Variants in SGCD observed in about 807,000 individuals in gnomAD.
SGCD encodes sarcoglycan delta, also known as delta-sarcoglycan.
In SGCD, 18 loss-of-function variants were observed where a neutral mutation model predicts 36.6. That is an observed-to-expected ratio of 0.49 (90% CI 0.34 to 0.73). SGCD has a LOEUF of 0.73. Among genes scored for constraint, SGCD ranks in the 30% least tolerant of loss-of-function variants. The pLI, the probability that SGCD is intolerant of heterozygous loss-of-function variation, is 0.01. For synonymous variants in SGCD, 133 were observed against 130.6 expected (o/e 1.02, Z -0.12); for missense variants, 387 against 346.7 (o/e 1.12, Z -0.92).
At chr5:156,560,010 G>C (rs959159417) in intron 4 of SGCD, among the ~76,000 whole-genome samples, 13 of 152,162 alleles carry the variant, frequency 8.5e-5, no homozygotes, top group African/African-American at 3.1e-4. Flanking sequence ...TCCATAAAAA[G>C]CTACCAATGG....
intron 6 of SGCD, among the ~76,000 whole-genome samples, chr5:156,598,982 C>T (rs1345332413): frequency 6.6e-6 from 1 of 152,110 alleles, no homozygotes; most frequent in Non-Finnish European, 1.5e-5. Context: ...GGAACATTTG[C>T]TTTTTTATGT....
intron 4 of SGCD, among the ~76,000 whole-genome samples, chr5:156,571,330 AGCCACTGT>A (rs1303788242): frequency 6.6e-6 from 1 of 152,172 alleles, no homozygotes; most frequent in Non-Finnish European, 1.5e-5. Context: ...ACAGGATGTG[AGCCACTGT>A]GCCTGGCCCT....
At chr5:156,153,820 T>C (rs1194704763) in intron 3 of SGCD, among the ~76,000 whole-genome samples, 1 of 151,602 alleles carries the variant, frequency 6.6e-6, no homozygotes, top group Non-Finnish European at 1.5e-5. Flanking sequence ...AATGAATTCA[T>C]GGTTACATCG....
chr5:156,619,836 T>C (rs557074508), intron 6 of SGCD, among the ~76,000 whole-genome samples: 2 of 152,354 alleles, frequency 1.3e-5, no homozygotes, highest in South Asian at 2.1e-4. Context: ...AAATATTCTC[T>C]TACGCTCCTT....
intron 3 of SGCD, among the ~76,000 whole-genome samples, chr5:156,226,993 T>C (rs1764878001): frequency 6.6e-6 from 1 of 152,170 alleles, no homozygotes; most frequent in African/African-American, 2.4e-5. Flanking sequence ...AGATTCTAGA[T>C]ATTATTCCTT....
chr5:156,284,524 A>C (rs1472969220), intron 3 of SGCD, among the ~76,000 whole-genome samples: 1 of 152,204 alleles, frequency 6.6e-6, no homozygotes, highest in African/African-American at 2.4e-5. Context: ...CAACATACGC[A>C]AATCAATAAA....
the SGCD span, among the ~76,000 whole-genome samples, chr5:155,813,174 CAT>C: frequency 4.0e-5 from 6 of 151,716 alleles, no homozygotes; most frequent in African/African-American, 1.2e-4. Context: ...GTTAGACAAA[CAT>C]ATTGGATAGG....
At chr5:156,264,285 G>A (rs1164980427) in intron 3 of SGCD, among the ~76,000 whole-genome samples, 2 of 152,062 alleles carry the variant, frequency 1.3e-5, no homozygotes, top group Admixed American at 6.6e-5. Context: ...TATTATCTTT[G>A]TGGTAAAACT....
intron 4 of SGCD, among the ~76,000 whole-genome samples, chr5:156,540,727 G>A (rs1758317696): frequency 6.6e-6 from 1 of 152,142 alleles, no homozygotes; most frequent in Non-Finnish European, 1.5e-5. Flanking sequence ...CCCCATGATA[G>A]AAGCAGTAAT....
At chr5:155,805,367 C>A in the SGCD span, among the ~76,000 whole-genome samples, 32 of 152,152 alleles carry the variant, frequency 2.1e-4, no homozygotes, top group Non-Finnish European at 8.8e-5. Flanking sequence ...GGAAGAGGAG[C>A]CATTTCAGTT....
chr5:156,434,897 G>A (rs1010611524), intron 3 of SGCD, among the ~76,000 whole-genome samples: 1 of 152,200 alleles, frequency 6.6e-6, no homozygotes, highest in Non-Finnish European at 1.5e-5. Flanking sequence ...CTCAGTCATT[G>A]AGGAGGCAAA....
chr5:156,580,387 T>A (rs1368086490), intron 4 of SGCD, among the ~76,000 whole-genome samples: 1 of 152,314 alleles, frequency 6.6e-6, no homozygotes, highest in East Asian at 1.9e-4. Flanking sequence ...GACAATTATG[T>A]GTCTTGGGGT....
At chr5:155,836,853 T>G in the SGCD span, among the ~76,000 whole-genome samples, 2 of 152,214 alleles carry the variant, frequency 1.3e-5, no homozygotes, top group African/African-American at 4.8e-5. Flanking sequence ...GATGCCTTTT[T>G]GTAGCTCCGG....
At chr5:155,750,381 G>A in the SGCD span, among the ~76,000 whole-genome samples, 1 of 152,296 alleles carries the variant, frequency 6.6e-6, no homozygotes, top group African/African-American at 2.4e-5. Flanking sequence ...AGGGGAGAGA[G>A]TTTGTTTAAA....
At chr5:155,965,383 G>A (rs1757882497) in intron 1 of SGCD, among the ~76,000 whole-genome samples, 1 of 152,052 alleles carries the variant, frequency 6.6e-6, no homozygotes, top group Non-Finnish European at 1.5e-5. Context: ...TCTAAGTATT[G>A]TCTTTGCCTC....
At chr5:156,314,535 A>T (rs1171937543) in intron 3 of SGCD, among the ~76,000 whole-genome samples, 1 of 152,032 alleles carries the variant, frequency 6.6e-6, no homozygotes, top group Non-Finnish European at 1.5e-5. Flanking sequence ...TCTAACAATT[A>T]TTATAGTGTC....
upstream of SGCD, among the ~76,000 whole-genome samples, chr5:155,867,867 T>G (rs1755552140): frequency 6.6e-6 from 1 of 152,086 alleles, no homozygotes; most frequent in African/African-American, 2.4e-5. Context: ...CTTAGAAACA[T>G]TAAGTAATTG....
chr5:156,420,475 A>G (rs1355982573), intron 3 of SGCD, among the ~76,000 whole-genome samples: 3 of 152,154 alleles, frequency 2.0e-5, no homozygotes, highest in South Asian at 2.1e-4. Context: ...AATATACCAA[A>G]TAATTTATTA....
At chr5:156,212,153 C>A (rs1764459297) in intron 3 of SGCD, among the ~76,000 whole-genome samples, 1 of 152,244 alleles carries the variant, frequency 6.6e-6, no homozygotes, top group Non-Finnish European at 1.5e-5. Context: ...AGTTGTAAAT[C>A]CTTACCTATC....
Sources: gnomAD v4.1 joint callset for allele counts (sites outside exome capture counted in the v4.1 genomes callset) on GRCh38, gnomAD v4.1.1 for gene constraint, MANE v1.5 for transcripts, NCBI Gene and HGNC (gene_info 2026-07-23, HGNC 2026-07-21) for gene names.